The following PRG4 variants were observed in gnomAD, a reference collection of about 807,000 sequenced individuals.
PRG4 encodes articular superficial zone protein.
Under a neutral mutation model 91.2 loss-of-function variants are expected in PRG4, and 61 were observed. That is an observed-to-expected ratio of 0.67 (90% CI 0.54 to 0.83). The LOEUF is 0.83. PRG4 is among the 40% of genes least tolerant of loss of function. PRG4 has a pLI of 0.00. For missense variants in PRG4, 1,564 were observed against 1,714.2 expected (o/e 0.91, Z 1.55); for synonymous variants, 576 against 614.2 (o/e 0.94, Z 0.92).
In PRG4 at chr1:186,300,139, C is replaced by G; in HGVS notation, c.125C>G (p.Ala42Gly). The G allele has an allele frequency of 6.2e-7, 1 of 1,613,812 alleles. No homozygotes were observed. Among genetic ancestry groups the G allele is most frequent in the East Asian group, 2.2e-5 (1 of 44,882 alleles). ...GRCGEGYSRD[A>G]TCNCDYNCQH... The stretch of plus-strand genomic sequence containing the variant: ...TGTGGGGAAGGGTATTCTAGAGATG[C>G]CACCTGCAACTGTGATTATAACTGT... The change falls in exon 3 of 13, where the codon GCC (alanine) becomes GGC (glycine). Residue 42 changes from alanine to glycine, a missense_variant. Physicochemically the swap from Ala to Gly is moderately conservative, Grantham distance 60. Transcript: ENST00000445192.
rs539900851 is a variant in PRG4, at chr1:186,303,507, C to T, written c.320-601C>T. On this transcript the variant is annotated intron_variant, in intron 4 of 12. Coordinates refer to ENST00000445192, the MANE Select transcript of PRG4 (RefSeq NM_005807.6). ...ATGTTTTCTCTTCTAGACTGAGAAG[C>T]GGAAAAGGGAAGGGGACTAAAAGGT... Among the ~76,000 whole-genome samples the T allele has an allele frequency of 9.5e-5, 14 of 147,038 alleles. No individual in the cohort carries two copies. In the East Asian group the frequency reaches 1.2e-3, roughly 13 times the overall value.
Position 186,306,445 on chromosome 1 carries a change from A to G in PRG4, c.726A>G (p.Gln242=). 1 of 1,613,726 alleles carries G rather than the reference A, an allele frequency of 6.2e-7. No individual in the cohort carries two copies. Among genetic ancestry groups the G allele is most frequent in the Non-Finnish European group, 8.5e-7 (1 of 1,179,790 alleles). ...KVTTPDTSTT[Q]HNKVSTSPKI... is the part of the protein sequence containing the mutation. ...CAACTCCTGACACGTCTACCACCCA[A>G]CACAATAAAGTCAGCACATCTCCCA... is the stretch of plus-strand genomic sequence containing the variant. Residue 242 remains glutamine, a synonymous_variant, in exon 7 of 13, where the codon CAA becomes CAG. Coordinates refer to ENST00000445192, the MANE Select transcript of PRG4 (RefSeq NM_005807.6).
At chr1:186,309,715 T>C (rs1233798302) in intron 7 of PRG4, 78 bp from the exon 8 acceptor site, 13 of 1,076,008 alleles carry the variant, frequency 1.2e-5, no homozygotes, top group East Asian at 4.8e-5. Flanking sequence ...AATAGAACCA[T>C]GTGGAAAGAC....
chr1:186,307,744 C>T lies in PRG4; in HGVS notation c.2025C>T (p.Asn675=). Residue 675 remains asparagine, a synonymous_variant, in exon 7 of 13, where the codon AAC becomes AAT. Transcript: ENST00000445192. The part of the protein sequence containing the change: ...APTTPKAAAP[N]TPKEPAPTTP... Reference sequence around the variant, plus strand: ...CCACTCCCAAGGCAGCGGCTCCCAACACCCCTAAGGAGCCTGCTCCAACTA... The same window carrying T: ...CCACTCCCAAGGCAGCGGCTCCCAATACCCCTAAGGAGCCTGCTCCAACTA... The T allele has an allele frequency of 6.2e-7, 1 of 1,608,706 alleles. No individual in the cohort carries two copies. Among genetic ancestry groups the T allele is most frequent in the Non-Finnish European group, 8.5e-7 (1 of 1,178,626 alleles).
In PRG4 at chr1:186,301,102, G is replaced by A. The variant is rs139233062; in HGVS notation, c.200-490G>A. ...ACCTTCCCCAGTTTGTCATAATAAG[G>A]GCCTCTGCATTACAAATGATTTTTA... On this transcript the variant is annotated intron_variant, in intron 3 of 12. Coordinates refer to ENST00000445192, the MANE Select transcript of PRG4 (RefSeq NM_005807.6). 7.9e-5 allele frequency among the ~76,000 whole-genome samples: 12 copies of A among 152,048 alleles called. No homozygotes were observed. The East Asian group carries it at 2.3e-3, about 29-fold the overall frequency.
In PRG4 at chr1:186,308,144, G is replaced by A. The variant is rs1045064625; in HGVS notation, c.2425G>A (p.Gly809Arg). ...PKELAPTTTKGPTSTTSDKPA... is the reference protein window; with the variant it reads ...PKELAPTTTKRPTSTTSDKPA... ...GGAGCTTGCACCCACCACCACCAAG[G>A]GGCCCACATCCACCACCTCTGACAA... is the stretch of plus-strand genomic sequence containing the variant. Residue 809 changes from glycine to arginine, a missense_variant, in exon 7 of 13, where the codon GGG (glycine) becomes AGG (arginine). By Grantham distance (125) the Gly-to-Arg change is moderately radical. This residue lies in a region of PRG4 where 1,079 missense variants were observed against 1,162.2 expected (regional missense o/e 0.93). Coordinates refer to ENST00000445192, the MANE Select transcript of PRG4 (RefSeq NM_005807.6). 1.9e-6 allele frequency: 3 copies of A among 1,605,018 alleles called. No homozygotes were observed. Among genetic ancestry groups the A allele is most frequent in the South Asian group, 1.1e-5 (1 of 90,360 alleles).
At chr1:186,298,298 C>G (rs1478321414) in intron 2 of PRG4, among the ~76,000 whole-genome samples, 3 of 152,028 alleles carry the variant, frequency 2.0e-5, no homozygotes, top group Non-Finnish European at 4.4e-5. Context: ...AAGAGGATAT[C>G]TTGAATCCAG....
In PRG4 at chr1:186,304,795, A is replaced by C. The variant is rs781682809; in HGVS notation, c.471A>C (p.Glu157Asp). 1.2e-6 allele frequency: 2 copies of C among 1,611,228 alleles called. No homozygotes were observed. The highest frequency in any genetic ancestry group is 1.7e-6 in the Non-Finnish European group (2 of 1,177,624). Reference sequence around the variant, plus strand: ...TCAAACTTTCTATTTGATTTATAGAACATTCTGTTTCTGAAAATCAAGAGT... The same window carrying C: ...TCAAACTTTCTATTTGATTTATAGACCATTCTGTTTCTGAAAATCAAGAGT... ...KVIESEEITE[E>D]HSVSENQESS... is the part of the protein sequence containing the mutation. Residue 157 changes from glutamate (E) to aspartate (D), a missense_variant and splice_region_variant, in exon 6 of 13, where the codon GAA becomes GAC. By Grantham distance (45) the Glu-to-Asp change is conservative. Coordinates refer to ENST00000445192, the MANE Select transcript of PRG4 (RefSeq NM_005807.6).
intron 7 of PRG4, 97 bp from the exon 8 acceptor site, chr1:186,309,696 T>TAAAC (rs1657030945): frequency 2.1e-5 from 19 of 913,908 alleles, no homozygotes; most frequent in Non-Finnish European, 3.4e-5. Flanking sequence ...TTAGAAAAGG[T>TAAAC]AAACAGGAAA....
intron 3 of PRG4, among the ~76,000 whole-genome samples, chr1:186,300,539 G>A (rs948826519): frequency 2.9e-4 from 44 of 152,202 alleles, no homozygotes; most frequent in African/African-American, 1.0e-3. Flanking sequence ...TGAGTCAGGA[G>A]TCATTAAGTA....
At chr1:186,304,994 G>A (rs966442220) in intron 6 of PRG4, 72 bp downstream of exon 6, 30 of 1,500,398 alleles carry the variant, frequency 2.0e-5, no homozygotes, top group African/African-American at 1.1e-4. Flanking sequence ...AAAGTAATGC[G>A]TGTTGGCAGA....
At position 186,308,855 on chromosome 1, in the gene PRG4, C is replaced by G; in HGVS notation, c.3136C>G (p.Pro1046Ala). The G allele has an allele frequency of 6.2e-6, 10 of 1,613,716 alleles. No homozygotes were observed. The highest frequency in any genetic ancestry group is 3.4e-6 in the Non-Finnish European group (4 of 1,179,962). Reference sequence around the variant, plus strand: ...AAAAACAATGCCTAGAGTGAGAAAACCAAAGACGACACCAACTCCCCGCAA... The same window carrying G: ...AAAAACAATGCCTAGAGTGAGAAAAGCAAAGACGACACCAACTCCCCGCAA... ...KPKTMPRVRK[P>A]KTTPTPRKMT... Residue 1046 changes from proline (P) to alanine (A), a missense_variant, in exon 7 of 13, where the codon CCA (proline) becomes GCA (alanine). Coordinates refer to ENST00000445192, the MANE Select transcript of PRG4 (RefSeq NM_005807.6).
chr1:186,313,731 A>C lies in PRG4; in HGVS notation c.4168A>C (p.Thr1390Pro). 1.2e-6 allele frequency: 2 copies of C among 1,610,474 alleles called. No homozygotes were observed. The highest frequency in any genetic ancestry group is 1.7e-6 in the Non-Finnish European group (2 of 1,176,858). Residue 1390 changes from threonine to proline, a missense_variant, in exon 13 of 13, where the codon ACT becomes CCT. Thr to Pro is a conservative substitution (Grantham distance 38). This residue lies in a region of PRG4 where 1,079 missense variants were observed against 1,162.2 expected (regional missense o/e 0.93). Coordinates refer to ENST00000445192, the MANE Select transcript of PRG4 (RefSeq NM_005807.6). ...TAGTAGAACAGCAAGAGCAATTACT[A>C]CTCGTTCTGGGCAGACCTTATCCAA... ...VPSRTARAIT[T>P]RSGQTLSKVW...
Position 186,307,819 on chromosome 1 carries a change from C to A in PRG4, c.2100C>A (p.Thr700=). ...CCCCTAAGGAGCCTGCTCCAACTAC[C>A]CCTAAGGAGACTGCTCCAACTACCC... is the stretch of plus-strand genomic sequence containing the variant. The part of the protein sequence containing the change: ...PTTPKEPAPT[T]PKETAPTTPK... The change falls in exon 7 of 13, where the codon ACC becomes ACA. Residue 700 remains threonine (T), a synonymous_variant. Coordinates refer to ENST00000445192, the MANE Select transcript of PRG4 (RefSeq NM_005807.6). 2 of 1,610,622 alleles carry A rather than the reference C, an allele frequency of 1.2e-6. No homozygotes were observed. The highest frequency in any genetic ancestry group is 2.2e-5 in the East Asian group (1 of 44,606).
intron 9 of PRG4, 106 bp downstream of exon 9, chr1:186,311,276 C>CT: frequency 7.0e-7 from 1 of 1,423,178 alleles, no homozygotes; most frequent in South Asian, 1.2e-5. Flanking sequence ...TTTAAATACT[C>CT]TGTCATCAAA....
intron 4 of PRG4, 130 bp downstream of exon 4, chr1:186,301,841 T>C (rs1395969733): frequency 2.3e-6 from 3 of 1,323,416 alleles, no homozygotes; most frequent in Non-Finnish European, 3.2e-6. Flanking sequence ...AGCTATTTCA[T>C]AATAATTTTG....
Position 186,306,792 on chromosome 1 carries a change from C to CT in PRG4, c.1074dup (p.Ala359CysfsTer280). The CT allele has an allele frequency of 6.2e-7, 1 of 1,612,950 alleles. No individual in the cohort carries two copies. On this transcript the variant is annotated frameshift_variant, in exon 7 of 13. Transcript: ENST00000445192. LOFTEE classifies it high-confidence loss of function. The stretch of plus-strand genomic sequence containing the variant: ...CCCACGCCCACCACTCCCAAGGAGC[C>CT]TGCATCTACCACACCCAAAGAGCCC...
chr1:186,306,247 A>C, intron 6 of PRG4, 71 bp from the exon 7 acceptor site: 1 of 1,241,044 alleles, frequency 8.1e-7, no homozygotes. Flanking sequence ...AATGATAAAG[A>C]TGGGATCTTT....
chr1:186,304,088 C>G lies in PRG4; in HGVS notation c.320-20C>G. On this transcript the variant is annotated intron_variant, in intron 4 of 12. Coordinates refer to ENST00000445192, the MANE Select transcript of PRG4 (RefSeq NM_005807.6). ...TGAACATAAACAAGATGTTAACTGA[C>G]TTGTCTTACTTGGCCTCAGTGCATA... 1 of 1,613,328 alleles carries G rather than the reference C, an allele frequency of 6.2e-7. No homozygotes were observed. The highest frequency in any genetic ancestry group is 1.1e-5 in the South Asian group (1 of 91,072).
Sources: gnomAD v4.1 joint callset for allele counts (sites outside exome capture counted in the v4.1 genomes callset) on GRCh38, gnomAD v4.1.1 for gene constraint, gnomAD v4.1.1 regional missense constraint, MANE v1.5 for transcripts, NCBI Gene and HGNC (gene_info 2026-07-23, HGNC 2026-07-21) for gene names.